The following MYO1A variants were observed in gnomAD, a reference collection of about 807,000 sequenced individuals.
MYO1A encodes the protein unconventional myosin-Ia.
In MYO1A, 127 loss-of-function variants were observed where a neutral mutation model predicts 138.5. The observed-to-expected ratio is 0.92, with a 90% CI of 0.79 to 1.06. The LOEUF is 1.06. Among genes scored for constraint, MYO1A ranks in the 50% least tolerant of loss-of-function variants. MYO1A has a pLI of 0.00. For missense variants in MYO1A, 1,211 were observed against 1,288.8 expected (o/e 0.94, Z 0.92); for synonymous variants, 477 against 497.5 (o/e 0.96, Z 0.55).
Position 57,043,121 on chromosome 12 carries a change from T to C in MYO1A, c.1049A>G (p.Tyr350Cys). 2.5e-6 allele frequency: 4 copies of C among 1,614,152 alleles called. No homozygotes were observed. The highest frequency in any genetic ancestry group is 3.4e-6 in the Non-Finnish European group (4 of 1,180,012). ...CACTATCCAGTCAAAGAGGCGGCTG[T>C]AGATGTTCTTAGCCAGGGCGTCCCG... ...YARDALAKNI[Y>C]SRLFDWIVNR... The change falls in exon 12 of 28, where the codon TAC becomes TGC. Residue 350 changes from tyrosine (Y) to cysteine (C), a missense_variant. Transcript: ENST00000300119.
intron 21 of MYO1A, 85 bp downstream of exon 21, chr12:57,036,687 G>C: frequency 1.3e-6 from 2 of 1,516,772 alleles, no homozygotes; most frequent in Non-Finnish European, 1.8e-6. Flanking sequence ...GGTGCAGGCA[G>C]GACTAGCTCT....
At chr12:57,029,916 C>T (rs1164045311) in intron 24 of MYO1A, 44 bp from the exon 25 acceptor site, 4 of 1,613,892 alleles carry the variant, frequency 2.5e-6, no homozygotes, top group Non-Finnish European at 3.4e-6. Flanking sequence ...GGCCCAGAGG[C>T]CTCTTCCCCA....
In MYO1A at chr12:57,030,952, A is replaced by G; in HGVS notation, c.2484+88T>C. On this transcript the variant is annotated intron_variant, in intron 23 of 27. Transcript: ENST00000300119. ...TTTACCACAATTTTTTTAATGGGAA[A>G]AAAATAGAAGAGGGAGGCAAAAGAG... The G allele has an allele frequency of 2.0e-6, 3 of 1,523,790 alleles. No individual in the cohort carries two copies. In the South Asian group the frequency reaches 3.6e-5, roughly 18 times the overall value. The allele number at this position is 1,523,790 out of a possible 1,614,324, so 94.4% of individuals were successfully genotyped here.
At position 57,037,568 on chromosome 12, in the gene MYO1A, A is replaced by G; in HGVS notation, c.2035T>C (p.Phe679Leu). Residue 679 changes from phenylalanine to leucine, a missense_variant, in exon 19 of 28, where the codon TTC becomes CTC. Physicochemically the swap from Phe to Leu is conservative, Grantham distance 22 (BLOSUM62 0). Coordinates refer to ENST00000300119, the MANE Select transcript of MYO1A (RefSeq NM_005379.4). ...CTCACAGTCTTGGGGCTTCTAATGA[A>G]GATCTTTGTCTTGCCAAAGGCCAGC... ...GELAFGKTKIFIRSPKTLFYL... is the reference protein window; with the variant it reads ...GELAFGKTKILIRSPKTLFYL... 1 of 1,614,108 alleles carries G rather than the reference A, an allele frequency of 6.2e-7. No individual in the cohort carries two copies. Among genetic ancestry groups the G allele is most frequent in the Non-Finnish European group, 8.5e-7 (1 of 1,179,996 alleles).
Position 57,048,047 on chromosome 12 carries a change from C to A in MYO1A, c.172G>T (p.Gly58Trp), listed in dbSNP as rs772838867. ...TGATATTTGGCAATGAACTCTGGCC[C>A]ATAGATGGGAAGCTGTTGATAGGGA... Reference protein sequence around the residue: ...VNPYQQLPIYGPEFIAKYQDY... With the variant: ...VNPYQQLPIYWPEFIAKYQDY... The change falls in exon 3 of 28, where the codon GGG becomes TGG. Residue 58 changes from glycine (G) to tryptophan (W), a missense_variant. Transcript: ENST00000300119. The A allele has an allele frequency of 1.2e-6, 2 of 1,614,182 alleles. No individual in the cohort carries two copies. The highest frequency in any genetic ancestry group is 1.1e-5 in the South Asian group (1 of 91,080).
rs17119383 is a variant in MYO1A at position 57,044,895 on chromosome 12, A to G, written c.641-686T>C. ...AAGGTAAGGGGAGAAGGGTAAGCGCATATCTCCTGCCTGCCCCCAGCCTCA... is the reference window on the plus strand; with the variant it reads ...AAGGTAAGGGGAGAAGGGTAAGCGCGTATCTCCTGCCTGCCCCCAGCCTCA... On this transcript the variant is annotated intron_variant, in intron 8 of 27. Coordinates refer to ENST00000300119, the MANE Select transcript of MYO1A (RefSeq NM_005379.4). 9.8e-3 allele frequency among the ~76,000 whole-genome samples: 1,492 copies of G among 152,250 alleles called. 12 individuals are homozygous for G. The highest frequency in any genetic ancestry group is 0.017 in the Non-Finnish European group (1,142 of 68,008).
chr12:57,037,079 C>A lies in MYO1A; in HGVS notation c.2068G>T (p.Glu690Ter), dbSNP rs1443537148. 3 of 1,613,928 alleles carry A rather than the reference C, an allele frequency of 1.9e-6. No homozygotes were observed. The highest frequency in any genetic ancestry group is 3.3e-5 in the Admixed American group (2 of 59,990). Residue 690 changes from glutamate to a stop codon, truncating the protein, a stop_gained, in exon 20 of 28, where the codon GAA (glutamate) becomes TAA (stop). Transcript: ENST00000300119. LOFTEE classifies it high-confidence loss of function. ...IRSPKTLFYL[E>*]EQRRLRLQQL... The stretch of plus-strand genomic sequence containing the variant: ...TGGAGTCTCAGGCGCCTCTGTTCTT[C>A]GAGGTAGAAAAGCTGTGGAGAGGTG...
Position 57,048,247 on chromosome 12 carries a change from T to C in MYO1A, c.77A>G (p.Lys26Arg), listed in dbSNP as rs745424782. Residue 26 changes from lysine to arginine, a missense_variant, in exon 2 of 28, where the codon AAG (lysine) becomes AGG (arginine). Transcript: ENST00000300119. ...LEPLVEESLL[K>R]NLQLRYENKE... ...GTTTTCATAGCGAAGCTGAAGATTC[T>C]TGAGCAGTGACTCCTCCACCAAGGG... The C allele has an allele frequency of 6.2e-7, 1 of 1,614,204 alleles. No individual in the cohort carries two copies. The highest frequency in any genetic ancestry group is 8.5e-7 in the Non-Finnish European group (1 of 1,180,024).
At position 57,047,715 on chromosome 12, in the gene MYO1A, T is replaced by C. The variant is rs764944887; in HGVS notation, c.237A>G (p.Ala79=). 6.8e-6 allele frequency: 11 copies of C among 1,614,180 alleles called. No individual in the cohort carries two copies. Among genetic ancestry groups the C allele is most frequent in the Admixed American group, 5.0e-5 (3 of 60,032 alleles). The change falls in exon 4 of 28, where the codon GCA becomes GCG. Residue 79 remains alanine (A), a synonymous_variant. Coordinates refer to ENST00000300119, the MANE Select transcript of MYO1A (RefSeq NM_005379.4). ...TFYELKPHIY[A]LANVAYQSLR... is the part of the protein sequence containing the mutation. ...GTGACTGGTACGCCACATTTGCCAA[T>C]GCGTAGCTTGTGGGGAGGAAGTGGG...
In MYO1A at chr12:57,037,045, G is replaced by C; in HGVS notation, c.2102C>G (p.Ala701Gly). Residue 701 changes from alanine to glycine, a missense_variant, in exon 20 of 28, where the codon GCC (alanine) becomes GGC (glycine). Transcript: ENST00000300119. ...EQRRLRLQQL[A>G]TLIQKIYRGW... ...TCGGTAAATCTTCTGTATGAGTGTGGCCAGCTGCTGGAGTCTCAGGCGCCT... is the reference window on the plus strand; with the variant it reads ...TCGGTAAATCTTCTGTATGAGTGTGCCCAGCTGCTGGAGTCTCAGGCGCCT... The C allele has an allele frequency of 6.2e-7, 1 of 1,614,120 alleles. No homozygotes were observed. Among genetic ancestry groups the C allele is most frequent in the Non-Finnish European group, 8.5e-7 (1 of 1,180,004 alleles).
At position 57,042,978 on chromosome 12, in the gene MYO1A, T is replaced by C. The variant is rs1047370182; in HGVS notation, c.1098+94A>G. The C allele has an allele frequency of 2.7e-5, 32 of 1,200,814 alleles. No individual in the cohort carries two copies. The African/African-American group carries it at 4.2e-4, about 16-fold the overall frequency. 74.4% of individuals were successfully genotyped at this position (1,200,814 alleles called of 1,614,324 possible). ...GTACCCTCCCCATCATCCTCCCTAC[T>C]CTGCTCATCTCAGAAACCAAGATAT... On this transcript the variant is annotated intron_variant, in intron 12 of 27. Coordinates refer to ENST00000300119, the MANE Select transcript of MYO1A (RefSeq NM_005379.4).
chr12:57,029,107 C>G, intron 27 of MYO1A, 25 bp downstream of exon 27: 1 of 1,614,070 alleles, frequency 6.2e-7, no homozygotes, highest in Non-Finnish European at 8.5e-7. Context: ...GTAAGCCGCC[C>G]CTCACCCCCA....
rs1420408977 is a variant in MYO1A at position 57,046,543 on chromosome 12, G to A, written c.640+9C>T. 1.9e-6 allele frequency: 3 copies of A among 1,610,130 alleles called. No individual in the cohort carries two copies. Among genetic ancestry groups the A allele is most frequent in the Non-Finnish European group, 2.5e-6 (3 of 1,176,510 alleles). On this transcript the variant is annotated intron_variant, in intron 8 of 27. Transcript: ENST00000300119. The stretch of plus-strand genomic sequence containing the variant: ...CTCATGAGGACACTTTCCCCATGCA[G>A]GCACATACTCAGCAGCTGTTCATCT...
In MYO1A at chr12:57,037,559, T is replaced by C; in HGVS notation, c.2044A>G (p.Ser682Gly). The change falls in exon 19 of 28, where the codon AGC (serine) becomes GGC (glycine). Residue 682 changes from serine (S) to glycine (G), a missense_variant. Transcript: ENST00000300119. Reference protein sequence around the residue: ...AFGKTKIFIRSPKTLFYLEEQ... With the variant: ...AFGKTKIFIRGPKTLFYLEEQ... ...ACTCTCTAACTCACAGTCTTGGGGC[T>C]TCTAATGAAGATCTTTGTCTTGCCA... 1 of 1,614,094 alleles carries C rather than the reference T, an allele frequency of 6.2e-7. No homozygotes were observed. The highest frequency in any genetic ancestry group is 8.5e-7 in the Non-Finnish European group (1 of 1,179,986).
chr12:57,029,383 G>C, intron 26 of MYO1A, 52 bp downstream of exon 26: 21 of 1,613,718 alleles, frequency 1.3e-5, no homozygotes, highest in Non-Finnish European at 1.5e-5. Flanking sequence ...CCCAGCCCTG[G>C]GATGCATACC....
chr12:57,048,792 CT>C (rs2031232997), intron 1 of MYO1A, among the ~76,000 whole-genome samples: 1 of 152,192 alleles, frequency 6.6e-6, no homozygotes, highest in Non-Finnish European at 1.5e-5. Context: ...ACCCCCAGTG[CT>C]TCTTCTCAAC....
rs759579125 is a variant in MYO1A at position 57,029,436 on chromosome 12, T to A, written c.2876A>T (p.Glu959Val). 6.2e-7 allele frequency: 1 copy of A among 1,613,922 alleles called. No homozygotes were observed. ...GCTTGCCCCACCCAGCTCTGATACC[T>A]CACTCAGATGCAAGCTAAAGAGCCC... The part of the protein sequence containing the change: ...KDGLFSLHLS[E>V]MSSVGSKGDF... Residue 959 changes from glutamate (E) to valine (V), a missense_variant and splice_region_variant, in exon 26 of 28, where the codon GAG (glutamate) becomes GTG (valine). Coordinates refer to ENST00000300119, the MANE Select transcript of MYO1A (RefSeq NM_005379.4).
chr12:57,041,640 T>G, intron 12 of MYO1A, 143 bp from the exon 13 acceptor site: 1 of 729,628 alleles, frequency 1.4e-6, no homozygotes, highest in Non-Finnish European at 2.5e-6. Context: ...GTTGTGATTT[T>G]ACTCTCCCTC....
rs757945349 is a variant in MYO1A, at chr12:57,037,906, T to G, written c.1924A>C (p.Ser642Arg). 8 of 1,614,150 alleles carry G rather than the reference T, an allele frequency of 5.0e-6. No homozygotes were observed. The highest frequency in any genetic ancestry group is 5.9e-6 in the Non-Finnish European group (7 of 1,180,020). ...GPFLERYRLLSRSTWPHWNGG... is the reference protein window; with the variant it reads ...GPFLERYRLLRRSTWPHWNGG... ...TTCCAGTGAGGCCAGGTGCTCCGGCTCAGCAATCGGTACCTTTCCAGGAAG... is the reference window on the plus strand; with the variant it reads ...TTCCAGTGAGGCCAGGTGCTCCGGCGCAGCAATCGGTACCTTTCCAGGAAG... Residue 642 changes from serine to arginine, a missense_variant, in exon 18 of 28, where the codon AGC becomes CGC. Coordinates refer to ENST00000300119, the MANE Select transcript of MYO1A (RefSeq NM_005379.4).
Sources: allele counts gnomAD v4.1 joint callset (sites outside exome capture counted in the v4.1 genomes callset), GRCh38; gene constraint gnomAD v4.1.1; transcripts MANE v1.5; gene names NCBI Gene and HGNC (gene_info 2026-07-23, HGNC 2026-07-21).